The following TTC3 variants were observed in gnomAD, a reference collection of about 807,000 sequenced individuals.
The protein encoded by TTC3 is tetratricopeptide repeat domain 3.
Under a neutral mutation model 249.6 loss-of-function variants are expected in TTC3, and 180 were observed. The observed-to-expected ratio is 0.72, with a 90% CI of 0.64 to 0.82. TTC3 has a LOEUF of 0.82. Ranked by LOEUF, TTC3 falls within the 40% of genes least tolerant of loss-of-function variation. The pLI is 0.00. For synonymous variants in TTC3, 717 were observed against 805.0 expected (o/e 0.89, Z 1.85); for missense variants, 2,061 against 2,398.4 (o/e 0.86, Z 2.94).
At chr21:37,090,416 A>G (rs2835588) in intron 6 of TTC3, 130 bp downstream of exon 6, 477,625 of 998,852 alleles carry the variant, frequency 0.48, 116,949 homozygotes, top group Middle Eastern at 0.5. Flanking sequence ...ATTGACTTCT[A>G]TATTTTCCTT....
chr21:37,108,171 G>C, intron 10 of TTC3: 1 of 453,158 alleles, frequency 2.2e-6, no homozygotes. Context: ...TTATTCCTGG[G>C]TAGTTGTGAT....
chr21:37,128,717 G>C (rs1271024904), intron 15 of TTC3, among the ~76,000 whole-genome samples: 2 of 152,138 alleles, frequency 1.3e-5, no homozygotes, highest in Non-Finnish European at 2.9e-5. Flanking sequence ...CACCCCATCT[G>C]ATTATAAACT....
intron 19 of TTC3, 48 bp from the exon 20 acceptor site, chr21:37,140,513 G>A (rs766169300): frequency 2.4e-6 from 3 of 1,244,092 alleles, no homozygotes; most frequent in Admixed American, 5.6e-5. Flanking sequence ...ATTTATTTCA[G>A]TATTTCTCTT....
intron 16 of TTC3, among the ~76,000 whole-genome samples, chr21:37,131,014 C>T (rs142822794): frequency 2.5e-4 from 38 of 152,164 alleles, no homozygotes; most frequent in African/African-American, 8.0e-4. Context: ...GTTCACACTC[C>T]GACTAATCTA....
chr21:37,110,529 C>CA (rs1568944362), intron 11 of TTC3, among the ~76,000 whole-genome samples: 2 of 152,146 alleles, frequency 1.3e-5, no homozygotes, highest in African/African-American at 4.8e-5. Context: ...AAGAAACAAA[C>CA]AAAGCCTCCA....
At chr21:37,166,510 C>T in exon 33 of TTC3, 1 of 1,614,146 alleles carries the variant, frequency 6.2e-7, no homozygotes, top group Non-Finnish European at 8.5e-7. Flanking sequence ...GTGAGTCTAA[C>T]AGAAATGATG....
Position 37,172,874 on chromosome 21 carries a change from G to A in TTC3, c.4617+130G>A, listed in dbSNP as rs753146409. On this transcript the variant is annotated intron_variant, in intron 35 of 45. Transcript: ENST00000355666. ...AAACAAAAGATTCTTTCTCAGAATC[G>A]CCTGCTTCAGATTTCTTCATGACAT... 5 of 1,127,134 alleles carry A rather than the reference G, an allele frequency of 4.4e-6. No individual in the cohort carries two copies. The African/African-American group carries it at 4.8e-5, about 11-fold the overall frequency. 69.8% of individuals were successfully genotyped at this position (1,127,134 alleles called of 1,614,324 possible).
intron 1 of TTC3, chr21:37,081,610 A>G (rs2071671537): frequency 6.6e-6 from 1 of 152,072 alleles, no homozygotes; most frequent in Admixed American, 6.5e-5. Context: ...TTCTTTAAAT[A>G]TTATGTCTCA....
At chr21:37,139,515 G>A (rs1473248991) in intron 19 of TTC3, among the ~76,000 whole-genome samples, 1 of 152,114 alleles carries the variant, frequency 6.6e-6, no homozygotes, top group Non-Finnish European at 1.5e-5. Flanking sequence ...CTAGATGAAG[G>A]TTTAACTCTA....
rs116621078 is a variant in TTC3, at chr21:37,105,814, G to T, written c.846-2578G>T. Among the ~76,000 whole-genome samples the T allele has an allele frequency of 7.0e-3, 1,067 of 152,312 alleles. 13 individuals are homozygous for T. Among genetic ancestry groups the T allele is most frequent in the African/African-American group, 0.024 (996 of 41,570 alleles). On this transcript the variant is annotated intron_variant, in intron 10 of 45. Transcript: ENST00000355666. ...GAGATCCATATTGTTGCATGTAGTT[G>T]TAAAGTGTTCATCTATTGCATGAAT...
intron 11 of TTC3, among the ~76,000 whole-genome samples, chr21:37,119,465 T>G (rs2076412015): frequency 6.6e-6 from 1 of 152,148 alleles, no homozygotes; most frequent in Non-Finnish European, 1.5e-5. Flanking sequence ...GATGTGCTGA[T>G]CAGTACTTAG....
At chr21:37,141,412 T>TA (rs550442889) in intron 20 of TTC3, among the ~76,000 whole-genome samples, 1 of 150,536 alleles carries the variant, frequency 6.6e-6, no homozygotes, top group East Asian at 1.9e-4. Flanking sequence ...TTTTGGGGAA[T>TA]CCCCCCCCCA....
intron 17 of TTC3, among the ~76,000 whole-genome samples, chr21:37,134,444 A>G (rs1601683401): frequency 6.7e-6 from 1 of 148,488 alleles, no homozygotes. Context: ...GCAAGACTCC[A>G]TCTCAAAAAA....
At chr21:37,074,456 A>T (rs2070532966) in intron 1 of TTC3, among the ~76,000 whole-genome samples, 1 of 152,166 alleles carries the variant, frequency 6.6e-6, no homozygotes, top group Non-Finnish European at 1.5e-5. Flanking sequence ...CTTTCAAAAT[A>T]TATGCACTCT....
At chr21:37,122,316 A>T (rs1475456959) in intron 12 of TTC3, among the ~76,000 whole-genome samples, 1 of 150,666 alleles carries the variant, frequency 6.6e-6, no homozygotes, top group African/African-American at 2.4e-5. Flanking sequence ...TATTTCCTTC[A>T]TTGCTAAAGT....
chr21:37,080,766 T>C (rs73407938), intron 1 of TTC3, among the ~76,000 whole-genome samples: 3,042 of 152,232 alleles, frequency 0.02, 98 homozygotes, highest in African/African-American at 0.07. Context: ...TTTCTTTTGG[T>C]GCTAATTTAC....
intron 26 of TTC3, 130 bp downstream of exon 26, chr21:37,152,159 A>G (rs1437335193): frequency 1.8e-6 from 2 of 1,089,424 alleles, no homozygotes; most frequent in East Asian, 2.7e-5. Flanking sequence ...ATTTAATACT[A>G]TCACTGTCTT....
Position 37,160,778 on chromosome 21 carries a change from C to T in TTC3, c.3040-24C>T, listed in dbSNP as rs59322924. The T allele has an allele frequency of 1.9e-6, 3 of 1,612,040 alleles. No individual in the cohort carries two copies. The African/African-American group carries it at 4.0e-5, about 22-fold the overall frequency. Reference sequence around the variant, plus strand: ...CATAATGCTGTTATTTGAGTGTTCACTGATTTTTCCCCCCATTTTTTAGTT... The same window carrying T: ...CATAATGCTGTTATTTGAGTGTTCATTGATTTTTCCCCCCATTTTTTAGTT... On this transcript the variant is annotated intron_variant, in intron 29 of 45. Coordinates refer to ENST00000355666, the Ensembl canonical transcript of TTC3.
intron 35 of TTC3, among the ~76,000 whole-genome samples, chr21:37,180,610 T>G: frequency 2.6e-5 from 2 of 77,324 alleles, no homozygotes; most frequent in Non-Finnish European, 2.3e-5. Context: ...GGGACTGTTG[T>G]GGGGTGGGGG....
Sources: gnomAD v4.1 joint callset for allele counts (sites outside exome capture counted in the v4.1 genomes callset) on GRCh38, gnomAD v4.1.1 for gene constraint, MANE v1.5 for transcripts, NCBI Gene and HGNC (gene_info 2026-07-23, HGNC 2026-07-21) for gene names.